Variants in SDK2 observed in about 807,000 individuals in gnomAD.
SDK2 encodes sidekick cell adhesion molecule 2, also known as protein sidekick-2.
SDK2 carries 105 observed loss-of-function variants against 253.9 expected under a neutral mutation model. The ratio of observed to expected loss-of-function variants is 0.41; its 90% CI spans 0.35 to 0.49. The LOEUF is 0.49. Among genes scored for constraint, SDK2 ranks in the 20% least tolerant of loss-of-function variants. SDK2 has a pLI of 0.06. For synonymous variants in SDK2, 1,249 were observed against 1,234.9 expected (o/e 1.01, Z -0.24); for missense variants, 2,608 against 3,003.0 (o/e 0.87, Z 3.07).
At chr17:73,458,474 A>T (rs2063543267) in intron 3 of SDK2, among the ~76,000 whole-genome samples, 1 of 152,240 alleles carries the variant, frequency 6.6e-6, no homozygotes, top group African/African-American at 2.4e-5. Flanking sequence ...ATGCGGGCCT[A>T]CAAGTTCATT....
intron 2 of SDK2, among the ~76,000 whole-genome samples, chr17:73,499,691 C>G (rs1043970376): frequency 6.6e-5 from 10 of 152,224 alleles, no homozygotes. Context: ...GCCGCTCACT[C>G]TCTGGATAAT....
intron 1 of SDK2, among the ~76,000 whole-genome samples, chr17:73,591,934 G>C (rs572770184): frequency 3.9e-5 from 6 of 152,250 alleles, no homozygotes; most frequent in African/African-American, 1.4e-4. Flanking sequence ...GAGACTCGAG[G>C]AGAGATAAAA....
In SDK2 at chr17:73,395,531, G is replaced by T; in HGVS notation, c.3355-139C>A. 1 of 650,704 alleles carries T rather than the reference G, an allele frequency of 1.5e-6. No individual in the cohort carries two copies. Among genetic ancestry groups the T allele is most frequent in the South Asian group, 1.9e-5 (1 of 53,144 alleles). The allele number at this position is 650,704 out of a possible 1,614,324, so 40.3% of individuals were successfully genotyped here. A position where few individuals can be genotyped will look rare whatever the true frequency, so the allele number is the denominator to read the frequency against. ...GTCACCCGGTCAGTGTCCACATGAG[G>T]CTCTCTCACCCGAGTGTGGCTTAGG... On this transcript the variant is annotated intron_variant, in intron 24 of 44. Transcript: ENST00000392650. This position sits in a 1 kb window ranked among gnomAD's most constrained non-coding sequence, Gnocchi z 4.3.
chr17:73,479,610 T>C (rs1265152345), intron 2 of SDK2, among the ~76,000 whole-genome samples: 1 of 152,272 alleles, frequency 6.6e-6, no homozygotes, highest in African/African-American at 2.4e-5. Context: ...ATAACTATTA[T>C]TATAATAAAT....
chr17:73,598,444 C>G (rs981859917), intron 1 of SDK2, among the ~76,000 whole-genome samples: 4 of 152,224 alleles, frequency 2.6e-5, no homozygotes, highest in African/African-American at 9.6e-5. Flanking sequence ...TATTCTCCAG[C>G]CTTGTTTATG....
At chr17:73,510,587 C>T (rs774369257) in intron 1 of SDK2, among the ~76,000 whole-genome samples, 1 of 152,208 alleles carries the variant, frequency 6.6e-6, no homozygotes, top group Non-Finnish European at 1.5e-5. Flanking sequence ...GCAGCCTCGA[C>T]CTCTGGGGCG....
chr17:73,540,582 A>T (rs942522144), intron 1 of SDK2, among the ~76,000 whole-genome samples: 5 of 152,192 alleles, frequency 3.3e-5, no homozygotes, highest in South Asian at 2.1e-4. Context: ...ATAACTGAGG[A>T]TAATGTTTAT....
At chr17:73,510,057 C>A (rs1567814284) in intron 1 of SDK2, among the ~76,000 whole-genome samples, 1 of 151,904 alleles carries the variant, frequency 6.6e-6, no homozygotes, top group East Asian at 1.9e-4. Context: ...GTGCAGCGGG[C>A]CTTCTCCTGC....
At chr17:73,359,551 G>A (rs1486636690) in intron 39 of SDK2, among the ~76,000 whole-genome samples, 9 of 152,176 alleles carry the variant, frequency 5.9e-5, no homozygotes, top group East Asian at 3.9e-4. Context: ...CACCTTCTCC[G>A]GGGCCAGGAG....
At chr17:73,631,282 C>A (rs1055320822) in intron 1 of SDK2, among the ~76,000 whole-genome samples, 1 of 152,172 alleles carries the variant, frequency 6.6e-6, no homozygotes, top group Non-Finnish European at 1.5e-5. Context: ...CGCTCTCTGC[C>A]TGTAGACACT....
intron 41 of SDK2, among the ~76,000 whole-genome samples, chr17:73,351,089 C>T (rs889291612): frequency 2.7e-5 from 4 of 147,564 alleles, no homozygotes; most frequent in African/African-American, 7.5e-5. Flanking sequence ...GGGAGAGTGG[C>T]AGTGTGTTAG....
chr17:73,604,091 C>CGCCA (rs1478749072), intron 1 of SDK2, among the ~76,000 whole-genome samples: 1 of 152,252 alleles, frequency 6.6e-6, no homozygotes, highest in African/African-American at 2.4e-5. Context: ...CGCCGGGCAG[C>CGCCA]GCCAGCGTCA....
chr17:73,612,302 C>T lies in SDK2; in HGVS notation c.64+31723G>A, dbSNP rs532299988. On this transcript the variant is annotated intron_variant, in intron 1 of 44. Transcript: ENST00000392650. This position sits in a 1 kb window ranked among gnomAD's most constrained non-coding sequence, Gnocchi z 4.4. ...CTGCACCTGGGCTGCAGGCTGGCCC[C>T]GCATGGTCCCCTACCCTCATCGGGT... Among the ~76,000 whole-genome samples, 70 of 152,012 alleles carry T rather than the reference C, an allele frequency of 4.6e-4. No individual in the cohort carries two copies. Among genetic ancestry groups the T allele is most frequent in the African/African-American group, 1.6e-3 (68 of 41,468 alleles).
rs370242961 is a variant in SDK2 at position 73,393,764 on chromosome 17, C to T, written c.3709-15G>A. The T allele has an allele frequency of 7.1e-6, 11 of 1,547,150 alleles. No homozygotes were observed. In the Admixed American group the frequency reaches 7.1e-5, roughly 10 times the overall value. On this transcript the variant is annotated splice_polypyrimidine_tract_variant and intron_variant, in intron 26 of 44. Coordinates refer to ENST00000392650, the MANE Select transcript of SDK2 (RefSeq NM_001144952.2). ...TTATACATCACCTGTCAGGGCCCAG[C>T]ACAGGGTGAGGGCCTCAGGCCTGCA... is the stretch of plus-strand genomic sequence containing the variant.
At chr17:73,495,114 AG>A (rs1284748136) in intron 2 of SDK2, among the ~76,000 whole-genome samples, 2 of 152,160 alleles carry the variant, frequency 1.3e-5, no homozygotes, top group African/African-American at 4.8e-5. Flanking sequence ...GTTATGAGAA[AG>A]GGGGCTGGAG....
chr17:73,509,149 C>G (rs115017675), intron 1 of SDK2, among the ~76,000 whole-genome samples: 1 of 152,172 alleles, frequency 6.6e-6, no homozygotes, highest in East Asian at 1.9e-4. Flanking sequence ...GACTTGTCTA[C>G]GTTCACTCCA....
intron 36 of SDK2, 64 bp from the exon 37 acceptor site, chr17:73,368,657 G>A: frequency 7.4e-7 from 1 of 1,349,352 alleles, no homozygotes; most frequent in Non-Finnish European, 1.0e-6. Context: ...TCCTGTCCCT[G>A]CTGACCTGTA....
Position 73,389,828 on chromosome 17 carries a change from C to G in SDK2, c.4192+459G>C, listed in dbSNP as rs185207299. Among the ~76,000 whole-genome samples the G allele has an allele frequency of 4.3e-3, 652 of 152,324 alleles. 16 individuals are homozygous for G. The highest frequency in any genetic ancestry group is 0.033 in the Admixed American group (504 of 15,308). On this transcript the variant is annotated intron_variant, in intron 29 of 44. Coordinates refer to ENST00000392650, the MANE Select transcript of SDK2 (RefSeq NM_001144952.2). ...GCAGTGGTGCGATCTTGGCTCACTG[C>G]AACCTCCGTCCCCCAGGTTCAAGTG...
chr17:73,347,384 T>A (rs2062493733), intron 44 of SDK2, among the ~76,000 whole-genome samples: 2 of 152,172 alleles, frequency 1.3e-5, no homozygotes, highest in Admixed American at 1.3e-4. Flanking sequence ...TCACGTGGGT[T>A]TTGTCCCCCA....
Sources: allele counts gnomAD v4.1 joint callset (sites outside exome capture counted in the v4.1 genomes callset), GRCh38; gene constraint gnomAD v4.1.1; non-coding constraint Gnocchi (gnomAD v3.1); transcripts MANE v1.5; gene names NCBI Gene and HGNC (gene_info 2026-07-23, HGNC 2026-07-21).